The following NPIPB2 variants were observed in gnomAD, a reference collection of about 807,000 sequenced individuals.
The protein encoded by NPIPB2 is nuclear pore complex interacting protein family member B2.
In NPIPB2, 27 loss-of-function variants were observed where a neutral mutation model predicts 30.8. The observed-to-expected ratio is 0.88, with a 90% CI of 0.65 to 1.21. The LOEUF is 1.21. NPIPB2 is among the 50% of genes most tolerant of loss of function. NPIPB2 has a pLI of 0.00. For missense variants in NPIPB2, 440 were observed against 446.2 expected, an observed-to-expected ratio of 0.99 and a Z score of 0.13; for synonymous variants, 147 against 162.0, an observed-to-expected ratio of 0.91 and a Z score of 0.70.
intron 1 of NPIPB2, among the ~76,000 whole-genome samples, chr16:11,975,969 C>T (rs575301996): frequency 2.0e-5 from 3 of 151,676 alleles, no homozygotes; most frequent in Non-Finnish European, 4.4e-5. Flanking sequence ...TGGTAGAGAA[C>T]GGCGTCTCGC....
intron 1 of NPIPB2, among the ~76,000 whole-genome samples, chr16:11,974,568 G>A (rs1196465304): frequency 6.6e-6 from 1 of 152,000 alleles, no homozygotes; most frequent in Non-Finnish European, 1.5e-5. Flanking sequence ...AATTGAGTAA[G>A]TCTCCTTCAG....
intron 1 of NPIPB2, chr16:11,941,281 C>T (rs1596495023): frequency 7.0e-7 from 1 of 1,421,322 alleles, no homozygotes. Flanking sequence ...GCGGCCAGGA[C>T]AGAGGTGGAG....
In NPIPB2 at chr16:11,927,889, C is replaced by T. The variant is rs2054752182; in HGVS notation, c.688-10G>A. The stretch of plus-strand genomic sequence containing the variant: ...CTGCCGCCATTCTGACCTGTAGGGC[C>T]AAAGGAGGGAATGTTTTCACACATA... On this transcript the variant is annotated splice_polypyrimidine_tract_variant and intron_variant, in intron 7 of 7. Transcript: ENST00000399147. 1.0e-6 allele frequency: 1 copy of T among 988,308 alleles called. No homozygotes were observed. The highest frequency in any genetic ancestry group is 1.4e-6 in the Non-Finnish European group (1 of 692,538). 61.2% of individuals were successfully genotyped at this position (988,308 alleles called of 1,614,324 possible).
intron 1 of NPIPB2, among the ~76,000 whole-genome samples, chr16:11,949,926 C>A (rs1435620973): frequency 2.0e-5 from 3 of 152,190 alleles, no homozygotes; most frequent in Non-Finnish European, 4.4e-5. Flanking sequence ...TATTCATTGC[C>A]AACACTTGTG....
chr16:11,962,888 G>A (rs1489613591), intron 1 of NPIPB2, among the ~76,000 whole-genome samples: 1 of 152,010 alleles, frequency 6.6e-6, no homozygotes, highest in African/African-American at 2.4e-5. Context: ...CCAATATGGT[G>A]AAATCCTGTC....
intron 1 of NPIPB2, among the ~76,000 whole-genome samples, chr16:11,954,907 C>CAAA (rs35579156): frequency 4.1e-5 from 6 of 145,248 alleles, no homozygotes; most frequent in Admixed American, 2.8e-4. Context: ...GACTCTGTCT[C>CAAA]AAAAAAAAAA....
At chr16:11,956,189 A>G (rs1159718682) in intron 1 of NPIPB2, 3 of 152,278 alleles carry the variant, frequency 2.0e-5, no homozygotes, top group East Asian at 1.9e-4. Flanking sequence ...TCTCTATTTC[A>G]CAGCACAGGT....
At chr16:11,958,765 C>G (rs1214949311) in intron 1 of NPIPB2, among the ~76,000 whole-genome samples, 1 of 151,932 alleles carries the variant, frequency 6.6e-6, no homozygotes, top group African/African-American at 2.4e-5. Flanking sequence ...ATAAGAAAGC[C>G]TGTAGGTTGA....
chr16:11,968,735 C>G (rs1247637657), intron 1 of NPIPB2: 2 of 152,170 alleles, frequency 1.3e-5, no homozygotes, highest in Non-Finnish European at 1.5e-5. Context: ...TGCAAACAAC[C>G]TCAATCATCC....
At chr16:11,937,398 T>C (rs1283441908) in intron 2 of NPIPB2, 142 bp downstream of exon 2, 7 of 635,504 alleles carry the variant, frequency 1.1e-5, no homozygotes, top group Non-Finnish European at 2.6e-6. Flanking sequence ...ATTTTCATAA[T>C]TCTTATGCTA....
At chr16:11,937,017 A>C (rs956945226) in intron 2 of NPIPB2, among the ~76,000 whole-genome samples, 6 of 151,750 alleles carry the variant, frequency 4.0e-5, no homozygotes, top group African/African-American at 1.4e-4. Flanking sequence ...ATCTCCATCT[A>C]TCTCCCTCTC....
intron 1 of NPIPB2, among the ~76,000 whole-genome samples, chr16:11,937,939 A>G (rs2054889737): frequency 6.6e-6 from 1 of 152,148 alleles, no homozygotes; most frequent in Non-Finnish European, 1.5e-5. Context: ...TTCCCTGCCT[A>G]TATTAAAAGA....
exon 3 of NPIPB2, chr16:11,933,920 G>T (rs758630158): frequency 2.5e-5 from 38 of 1,538,318 alleles, no homozygotes; most frequent in Non-Finnish European, 3.3e-5. Context: ...CTTCAGGAAA[G>T]ACAACTAGGA....
chr16:11,927,402 G>C, exon 8 of NPIPB2: 2 of 987,912 alleles, frequency 2.0e-6, no homozygotes, highest in Non-Finnish European at 3.1e-6. Context: ...CCTGTTCTCA[G>C]CTTACTCAAC....
chr16:11,962,564 A>G (rs1388654874), intron 1 of NPIPB2, among the ~76,000 whole-genome samples: 1 of 148,426 alleles, frequency 6.7e-6, no homozygotes, highest in East Asian at 2.0e-4. Context: ...GTGAGCTGAG[A>G]TAGCGCCCCT....
upstream of NPIPB2, among the ~76,000 whole-genome samples, chr16:11,947,041 T>TATATATATACC (rs1555509045): frequency 2.4e-3 from 14 of 5,814 alleles, no homozygotes; most frequent in Non-Finnish European, 0.049. Context: ...CTATTTGAAT[T>TATATATATACC]ATATATATAT....
intron 1 of NPIPB2, among the ~76,000 whole-genome samples, chr16:11,972,582 A>T (rs2055242556): frequency 6.6e-6 from 1 of 151,974 alleles, no homozygotes; most frequent in Admixed American, 6.6e-5. Flanking sequence ...CTTCAAAAAA[A>T]AAGAAAAAAA....
At chr16:11,967,380 T>C (rs2055202978) in intron 1 of NPIPB2, among the ~76,000 whole-genome samples, 1 of 152,146 alleles carries the variant, frequency 6.6e-6, no homozygotes, top group Admixed American at 6.6e-5. Flanking sequence ...GACTGCTCTG[T>C]AGGCTAACGT....
chr16:11,932,691 G>T (rs1322759836), intron 4 of NPIPB2, among the ~76,000 whole-genome samples: 1 of 116,702 alleles, frequency 8.6e-6, no homozygotes, highest in African/African-American at 3.2e-5. Flanking sequence ...GATAAGAATC[G>T]CTTGAACCTG....
Sources: allele counts gnomAD v4.1 joint callset (sites outside exome capture counted in the v4.1 genomes callset), GRCh38; gene constraint gnomAD v4.1.1; transcripts MANE v1.5; gene names NCBI Gene and HGNC (gene_info 2026-07-23, HGNC 2026-07-21).